Variants in OR4K1 observed in about 807,000 individuals in gnomAD.
OR4K1 encodes olfactory receptor 4K1.
Under a neutral mutation model 14.4 loss-of-function variants are expected in OR4K1, and 16 were observed. The ratio of observed to expected loss-of-function variants is 1.11; its 90% CI spans 0.75 to 1.68. OR4K1 has a LOEUF of 1.68. OR4K1 is among the 40% of genes most tolerant of loss of function. The pLI is 0.00. For missense variants in OR4K1, 548 were observed against 376.9 expected (o/e 1.45, Z -3.76); for synonymous variants, 181 against 133.1 (o/e 1.36, Z -2.48).
the OR4K1 span, among the ~76,000 whole-genome samples, chr14:19,924,542 G>C: frequency 6.6e-6 from 1 of 151,514 alleles, no homozygotes; most frequent in Non-Finnish European, 1.5e-5. Flanking sequence ...GTTTTGATTT[G>C]CATTAGATGC....
chr14:19,925,706 T>G, the OR4K1 span, among the ~76,000 whole-genome samples: 23 of 152,246 alleles, frequency 1.5e-4, no homozygotes, highest in Non-Finnish European at 2.6e-4. Flanking sequence ...ACAGAAGCTG[T>G]TCGAAAGAGC....
In OR4K1 at chr14:19,936,492, A is replaced by G. The variant is rs902442145; in HGVS notation, c.826A>G (p.Thr276Ala). ...PVDKFLSVFY[T>A]VCTPLLNPII... is the part of the protein sequence containing the mutation. ...GGACAAATTTCTTTCTGTGTTCTAC[A>G]CTGTTTGTACTCCCTTGTTGAACCC... The change falls in exon 2 of 2, where the codon ACT becomes GCT. Residue 276 changes from threonine to alanine, a missense_variant. By Grantham distance (58) the Thr-to-Ala change is moderately conservative. Coordinates refer to ENST00000641172, the MANE Select transcript of OR4K1 (RefSeq NM_001004063.3). 2.5e-6 allele frequency: 4 copies of G among 1,613,912 alleles called. No individual in the cohort carries two copies. In the Admixed American group the frequency reaches 5.0e-5, roughly 20 times the overall value.
the OR4K1 span, chr14:19,921,006 G>A: frequency 2.5e-6 from 4 of 1,614,070 alleles, no homozygotes; most frequent in African/African-American, 2.7e-5. Flanking sequence ...ATACTATGTG[G>A]TCATCATGAG....
At chr14:19,923,709 A>T in the OR4K1 span, among the ~76,000 whole-genome samples, 1 of 152,258 alleles carries the variant, frequency 6.6e-6, no homozygotes, top group Non-Finnish European at 1.5e-5. Context: ...AACAAAAGGT[A>T]GTAATGAAGA....
chr14:19,928,183 G>A (rs1460786401), upstream of OR4K1, among the ~76,000 whole-genome samples: 25 of 152,186 alleles, frequency 1.6e-4, no homozygotes, highest in Admixed American at 1.6e-3. Flanking sequence ...GAATAGACAA[G>A]GCATAGATTG....
upstream of OR4K1, among the ~76,000 whole-genome samples, chr14:19,927,436 T>A (rs1244104965): frequency 6.6e-6 from 1 of 152,238 alleles, no homozygotes; most frequent in African/African-American, 2.4e-5. Flanking sequence ...GCTAGCTTGT[T>A]AGGGGTCTTG....
chr14:19,924,612 T>C, the OR4K1 span, among the ~76,000 whole-genome samples: 2 of 152,274 alleles, frequency 1.3e-5, no homozygotes, highest in African/African-American at 4.8e-5. Flanking sequence ...GTAAATTAGT[T>C]CAATCATCGT....
At chr14:19,934,976 T>A (rs1229067071) in intron 1 of OR4K1, among the ~76,000 whole-genome samples, 1 of 152,226 alleles carries the variant, frequency 6.6e-6, no homozygotes, top group African/African-American at 2.4e-5. Flanking sequence ...CCTGGCCGCT[T>A]CTTTTGTTTC....
At chr14:19,920,470 T>G in the OR4K1 span, 5 of 1,107,818 alleles carry the variant, frequency 4.5e-6, no homozygotes, top group Admixed American at 8.3e-5. Context: ...TCTTCAAAAT[T>G]TTTGCATTCA....
At chr14:19,921,806 A>G in the OR4K1 span, 1 of 451,752 alleles carries the variant, frequency 2.2e-6, no homozygotes, top group Non-Finnish European at 3.8e-6. Flanking sequence ...CACTAGATGG[A>G]TAATATGTAT....
At chr14:19,922,484 G>A in the OR4K1 span, among the ~76,000 whole-genome samples, 22 of 152,132 alleles carry the variant, frequency 1.4e-4, 1 homozygote, top group Non-Finnish European at 2.8e-4. Flanking sequence ...CATCTAGGGG[G>A]CCTCACTCAT....
chr14:19,930,147 T>G (rs1199006475), upstream of OR4K1, among the ~76,000 whole-genome samples: 1 of 152,058 alleles, frequency 6.6e-6, no homozygotes, highest in Non-Finnish European at 1.5e-5. Flanking sequence ...ATATATGTAC[T>G]TAGGTTTTTT....
the OR4K1 span, among the ~76,000 whole-genome samples, chr14:19,923,764 A>T: frequency 1.3e-5 from 2 of 152,372 alleles, no homozygotes; most frequent in East Asian, 3.9e-4. Context: ...TAGACACTAT[A>T]TTAATAAATA....
upstream of OR4K1, among the ~76,000 whole-genome samples, chr14:19,926,625 G>A (rs181715400): frequency 2.4e-4 from 37 of 152,268 alleles, no homozygotes; most frequent in Middle Eastern, 3.4e-3. Flanking sequence ...ATCATTGAAT[G>A]TTATAGGCAG....
At position 19,931,131 on chromosome 14, in the gene OR4K1, C is replaced by T. The variant is rs1882175196; in HGVS notation, c.-34C>T. 1 of 152,310 alleles carries T rather than the reference C, an allele frequency of 6.6e-6. No homozygotes were observed. The highest frequency in any genetic ancestry group is 6.5e-5 in the Admixed American group (1 of 15,288). The allele number at this position is 152,310 out of a possible 1,614,324, so 9.4% of individuals were successfully genotyped here. On this transcript the variant is annotated 5_prime_UTR_variant, in exon 1 of 2. Coordinates refer to ENST00000641172, the MANE Select transcript of OR4K1 (RefSeq NM_001004063.3). ...ATAAGGAAGAAGTGAAAGACTTGGACAACTTTTTCAAAGTGTAAGTATTAT... is the reference window on the plus strand; with the variant it reads ...ATAAGGAAGAAGTGAAAGACTTGGATAACTTTTTCAAAGTGTAAGTATTAT...
At chr14:19,929,868 T>C (rs1240330204), upstream of OR4K1, among the ~76,000 whole-genome samples, 4 of 152,256 alleles carry the variant, frequency 2.6e-5, no homozygotes, top group Non-Finnish European at 5.9e-5. Flanking sequence ...TTTGTCATTG[T>C]ATATCTCCCT....
upstream of OR4K1, among the ~76,000 whole-genome samples, chr14:19,929,404 T>TGTGC (rs1555334779): frequency 8.2e-6 from 1 of 121,806 alleles, no homozygotes; most frequent in East Asian, 2.4e-4. Context: ...TGTGTGTGTG[T>TGTGC]GCGTATGGGG....
the OR4K1 span, among the ~76,000 whole-genome samples, chr14:19,922,073 C>A: frequency 7.8e-6 from 1 of 128,756 alleles, no homozygotes; most frequent in Non-Finnish European, 1.8e-5. Flanking sequence ...TGAGACTCCC[C>A]CCCCCAAAAA....
the OR4K1 span, among the ~76,000 whole-genome samples, chr14:19,922,253 A>C: frequency 6.6e-6 from 1 of 152,244 alleles, no homozygotes; most frequent in Non-Finnish European, 1.5e-5. Flanking sequence ...AGAGAGGAGA[A>C]TCTAGAAAGC....
Sources: allele counts gnomAD v4.1 joint callset (sites outside exome capture counted in the v4.1 genomes callset), GRCh38; gene constraint gnomAD v4.1.1; transcripts MANE v1.5; gene names NCBI Gene and HGNC (gene_info 2026-07-23, HGNC 2026-07-21).